Variants in GTF2B observed in about 807,000 individuals in gnomAD.
GTF2B encodes the protein general transcription factor IIB, also known as transcription initiation factor IIB.
In GTF2B, 20 loss-of-function variants were observed where a neutral mutation model predicts 34.6. The observed-to-expected ratio is 0.58, with a 90% confidence interval of 0.41 to 0.84. The LOEUF (loss-of-function observed/expected upper bound fraction) is 0.84, where lower values mean the gene tolerates loss of function less well. GTF2B is among the 40% of genes least tolerant of loss of function. The pLI is 0.00. For synonymous variants in GTF2B, 142 were observed against 132.4 expected (o/e 1.07, Z -0.50); for missense variants, 237 against 393.3 (o/e 0.60, Z 3.36).
chr1:88,878,591 C>A (rs1673864935), intron 2 of GTF2B, among the ~76,000 whole-genome samples: 1 of 152,188 alleles, frequency 6.6e-6, no homozygotes, highest in South Asian at 2.1e-4. Context: ...TATCTCCCAT[C>A]CACATGTTCT....
intron 2 of GTF2B, among the ~76,000 whole-genome samples, chr1:88,872,191 C>T (rs891457579): frequency 3.9e-5 from 6 of 151,950 alleles, no homozygotes; most frequent in African/African-American, 1.2e-4. Flanking sequence ...CGGTGGCTCA[C>T]GCCTGTAATC....
chr1:88,882,286 G>A lies in GTF2B; in HGVS notation c.124+4975C>T, dbSNP rs925249042. ...GATCGTGCCACTGCACTCCAGCCTG[G>A]GGGACAGAGGGAGACTCTCACTCCA... is the stretch of plus-strand genomic sequence containing the variant. On this transcript the variant is annotated intron_variant, in intron 2 of 6. Coordinates refer to ENST00000370500, the MANE Select transcript of GTF2B (RefSeq NM_001514.6). Among the ~76,000 whole-genome samples the A allele has an allele frequency of 4.1e-5, 6 of 144,628 alleles. No homozygotes were observed. The East Asian group carries it at 1.2e-3, about 29-fold the overall frequency. The allele number at this position is 144,628 out of a possible 152,430, so 94.9% of individuals were successfully genotyped here. A position where few individuals can be genotyped will look rare whatever the true frequency, so the allele number is the denominator to read the frequency against.
intron 6 of GTF2B, among the ~76,000 whole-genome samples, chr1:88,854,261 C>T (rs116529541): frequency 0.012 from 1,861 of 152,194 alleles, 33 homozygotes; most frequent in African/African-American, 0.042. Context: ...CTACTTAATA[C>T]ATCAGAGATC....
chr1:88,868,427 TAG>T (rs1402288723), intron 2 of GTF2B, among the ~76,000 whole-genome samples: 9 of 152,336 alleles, frequency 5.9e-5, no homozygotes, highest in East Asian at 1.9e-4. Context: ...TCCCTCCACC[TAG>T]AGTGTGACCT....
Position 88,873,389 on chromosome 1 carries a change from C to T in GTF2B, c.125-9275G>A, listed in dbSNP as rs370468647. ...CTAATTTTTGTATTTTTAGTAGAGA[C>T]GAGGTTTCAACATGTTGGTCAGGCT... On this transcript the variant is annotated intron_variant, in intron 2 of 6. Transcript: ENST00000370500. Among the ~76,000 whole-genome samples the T allele has an allele frequency of 1.4e-4, 21 of 151,680 alleles. No homozygotes were observed. In the South Asian group the frequency reaches 4.0e-3, roughly 29 times the overall value.
intron 2 of GTF2B, among the ~76,000 whole-genome samples, chr1:88,875,161 A>C (rs1473943410): frequency 6.6e-6 from 1 of 152,240 alleles, no homozygotes; most frequent in Non-Finnish European, 1.5e-5. Context: ...ATGCTGACCA[A>C]GAGATACTTT....
At chr1:88,863,193 A>C (rs915080456) in intron 3 of GTF2B, among the ~76,000 whole-genome samples, 1 of 152,208 alleles carries the variant, frequency 6.6e-6, no homozygotes, top group Admixed American at 6.5e-5. Flanking sequence ...ATACATTCTC[A>C]TGAAACCCTC....
At position 88,853,121 on chromosome 1, in the gene GTF2B, T is replaced by A. The variant is rs145144530; in HGVS notation, c.*92A>T. On this transcript the variant is annotated 3_prime_UTR_variant, in exon 7 of 7. Coordinates refer to ENST00000370500, the MANE Select transcript of GTF2B (RefSeq NM_001514.6). ...GGAATGCGTACCATGTCTTTTGTTT[T>A]TCCTCATGAAAGGCTCAACCCAGCA... 1.1e-3 allele frequency: 1,329 copies of A among 1,174,080 alleles called. 13 individuals carry two copies. The African/African-American group carries it at 0.019, about 16-fold the overall frequency. The allele number at this position is 1,174,080 out of a possible 1,614,324, so 72.7% of individuals were successfully genotyped here.
chr1:88,854,323 ATACT>A (rs1323084216), intron 6 of GTF2B, among the ~76,000 whole-genome samples: 1 of 152,200 alleles, frequency 6.6e-6, no homozygotes, highest in Non-Finnish European at 1.5e-5. Context: ...ATACAAGCAC[ATACT>A]TAAATATTTT....
chr1:88,856,299 A>AC lies in GTF2B; in HGVS notation c.817+906_817+907insG, dbSNP rs1673313564. On this transcript the variant is annotated intron_variant, in intron 6 of 6. Transcript: ENST00000370500. ...AAAAAAAAAAAAAAAAACAAAAAAA[A>AC]AAAAGGAAAAGAAATTCACTTAATA... Among the ~76,000 whole-genome samples, 11 of 150,374 alleles carry AC rather than the reference A, an allele frequency of 7.3e-5. No homozygotes were observed. In the South Asian group the frequency reaches 2.3e-3, roughly 32 times the overall value.
intron 2 of GTF2B, among the ~76,000 whole-genome samples, chr1:88,880,844 C>A (rs6690759): frequency 0.14 from 21,529 of 151,554 alleles, 3,908 homozygotes; most frequent in African/African-American, 0.43. Flanking sequence ...CCCCGTCTTT[C>A]CTAAAATAAC....
chr1:88,863,038 A>G (rs1673478719), intron 3 of GTF2B, among the ~76,000 whole-genome samples: 1 of 152,160 alleles, frequency 6.6e-6, no homozygotes, highest in South Asian at 2.1e-4. Flanking sequence ...ATTAGCCCTC[A>G]GTAATACCGT....
intron 2 of GTF2B, among the ~76,000 whole-genome samples, chr1:88,877,390 ACTC>A (rs1557659290): frequency 1.3e-5 from 2 of 152,270 alleles, no homozygotes; most frequent in African/African-American, 4.8e-5. Context: ...GTTTCAAACA[ACTC>A]CTCATTGTGA....
chr1:88,853,801 T>A (rs566407778), intron 6 of GTF2B, among the ~76,000 whole-genome samples: 12 of 152,272 alleles, frequency 7.9e-5, no homozygotes, highest in Non-Finnish European at 1.3e-4. Flanking sequence ...AGATTCCATC[T>A]CTAAATAAAT....
intron 2 of GTF2B, among the ~76,000 whole-genome samples, chr1:88,880,053 C>G (rs1174584115): frequency 6.6e-6 from 1 of 151,352 alleles, no homozygotes; most frequent in Non-Finnish European, 1.5e-5. Context: ...AGCAAGACTC[C>G]TCCATCTCAA....
At chr1:88,881,672 A>T (rs1673944347) in intron 2 of GTF2B, among the ~76,000 whole-genome samples, 1 of 152,232 alleles carries the variant, frequency 6.6e-6, no homozygotes, top group African/African-American at 2.4e-5. Context: ...CGTATATTTT[A>T]AAATAAGTGT....
rs1204678960 is a variant in GTF2B, at chr1:88,853,102, C to A, written c.*111G>T. 3.3e-6 allele frequency: 3 copies of A among 911,276 alleles called. No homozygotes were observed. Among genetic ancestry groups the A allele is most frequent in the Admixed American group, 1.7e-5 (1 of 57,318 alleles). 56.4% of individuals were successfully genotyped at this position (911,276 alleles called of 1,614,324 possible). A position where few individuals can be genotyped will look rare whatever the true frequency, so the allele number is the denominator to read the frequency against. On this transcript the variant is annotated 3_prime_UTR_variant, in exon 7 of 7. Coordinates refer to ENST00000370500, the MANE Select transcript of GTF2B (RefSeq NM_001514.6). ...AGCAATAGTATTCAGCCCTGGAATGCGTACCATGTCTTTTGTTTTTCCTCA... is the reference window on the plus strand; with the variant it reads ...AGCAATAGTATTCAGCCCTGGAATGAGTACCATGTCTTTTGTTTTTCCTCA...
In GTF2B at chr1:88,852,715, A is replaced by ATAT. The variant is rs58706326; in HGVS notation, c.*497_*498insATA. On this transcript the variant is annotated 3_prime_UTR_variant, in exon 7 of 7. Coordinates refer to ENST00000370500, the MANE Select transcript of GTF2B (RefSeq NM_001514.6). ...CATCACTTCTTGTTTAATAATATAC[A>ATAT]TAATAAATCTCACATACACATCCTT... Among the ~76,000 whole-genome samples, 20,309 of 152,110 alleles carry ATAT rather than the reference A, an allele frequency of 0.13. 3,056 individuals carry two copies. Among genetic ancestry groups the ATAT allele is most frequent in the African/African-American group, 0.37 (15,464 of 41,410 alleles).
At chr1:88,889,702 G>A (rs1329180424) in intron 1 of GTF2B, among the ~76,000 whole-genome samples, 1 of 152,082 alleles carries the variant, frequency 6.6e-6, no homozygotes, top group Non-Finnish European at 1.5e-5. Context: ...CCTTCCTGAG[G>A]GAAAAACATG....
Sources: allele counts gnomAD v4.1 joint callset (sites outside exome capture counted in the v4.1 genomes callset), GRCh38; gene constraint gnomAD v4.1.1; transcripts MANE v1.5; gene names NCBI Gene and HGNC (gene_info 2026-07-23, HGNC 2026-07-21).